ZFYVE16: variants seen among roughly 807,000 people sequenced by gnomAD.
The protein encoded by ZFYVE16 is zinc finger FYVE-type containing 16, also known as zinc finger FYVE domain-containing protein 16.
ZFYVE16 carries 89 observed loss-of-function variants against 138.1 expected under a neutral mutation model. The ratio of observed to expected loss-of-function variants is 0.64; its 90% CI spans 0.54 to 0.77. ZFYVE16 has a LOEUF of 0.77. Ranked by LOEUF, ZFYVE16 falls within the 30% of genes least tolerant of loss-of-function variation. ZFYVE16 has a pLI of 0.00. For synonymous variants in ZFYVE16, 596 were observed against 618.3 expected, an observed-to-expected ratio of 0.96 and a Z score of 0.53; for missense variants, 1,793 against 1,786.7, an observed-to-expected ratio of 1.00 and a Z score of -0.06.
intron 8 of ZFYVE16, 72 bp from the exon 9 acceptor site, chr5:80,449,519 T>C (rs546180639): frequency 1.3e-6 from 2 of 1,487,718 alleles, no homozygotes; most frequent in South Asian, 1.3e-5. Flanking sequence ...GATTTATAAA[T>C]TTGTTTTTTT....
rs1750201333 is a variant in ZFYVE16 at position 80,438,100 on chromosome 5, A to G, written c.1415A>G (p.Asp472Gly). Reference sequence around the variant, plus strand: ...AGAGCTGAGTCTTTGGATGGTGGTGACACCAGTTCTACAGTTGTAGAATCT... The same window carrying G: ...AGAGCTGAGTCTTTGGATGGTGGTGGCACCAGTTCTACAGTTGTAGAATCT... ...VIRAESLDGGDTSSTVVESQE... is the reference protein window; with the variant it reads ...VIRAESLDGGGTSSTVVESQE... Residue 472 changes from aspartate to glycine, a missense_variant, in exon 4 of 19, where the codon GAC (aspartate) becomes GGC (glycine). Physicochemically the swap from Asp to Gly is moderately conservative, Grantham distance 94 (BLOSUM62 -1). Coordinates refer to ENST00000505560, the MANE Select transcript of ZFYVE16 (RefSeq NM_001284236.3). The G allele has an allele frequency of 5.0e-6, 8 of 1,614,122 alleles. No homozygotes were observed. The highest frequency in any genetic ancestry group is 6.8e-6 in the Non-Finnish European group (8 of 1,179,974).
intron 14 of ZFYVE16, among the ~76,000 whole-genome samples, chr5:80,458,028 C>T (rs907353296): frequency 4.5e-5 from 5 of 112,134 alleles, no homozygotes; most frequent in East Asian, 2.5e-4. Context: ...AGCGAGACTA[C>T]GTCTAAAAAA....
chr5:80,441,894 T>C, intron 5 of ZFYVE16: 1 of 985,320 alleles, frequency 1.0e-6, no homozygotes, highest in Non-Finnish European at 1.2e-6. Flanking sequence ...TTCCTTATTT[T>C]TTGGATGAAG....
chr5:80,476,483 T>A (rs929588385), intron 18 of ZFYVE16, among the ~76,000 whole-genome samples: 1 of 152,214 alleles, frequency 6.6e-6, no homozygotes, highest in African/African-American at 2.4e-5. Context: ...TTAATTTGTA[T>A]TTCTCTTAAC....
chr5:80,433,792 G>A (rs1428955764), intron 2 of ZFYVE16, among the ~76,000 whole-genome samples: 1 of 151,772 alleles, frequency 6.6e-6, no homozygotes, highest in Non-Finnish European at 1.5e-5. Flanking sequence ...TTATGCGTTT[G>A]TAGTTTGATA....
intron 1 of ZFYVE16, chr5:80,409,859 A>G (rs1272464038): frequency 1.3e-5 from 2 of 152,188 alleles, no homozygotes; most frequent in African/African-American, 4.8e-5. Context: ...AGGTTGTTTA[A>G]AATTTTACAC....
chr5:80,473,020 A>C lies in ZFYVE16; in HGVS notation c.4187+97A>C. 13 of 1,102,736 alleles carry C rather than the reference A, an allele frequency of 1.2e-5. No individual in the cohort carries two copies. The South Asian group carries it at 2.8e-4, about 23-fold the overall frequency. 68.3% of individuals were successfully genotyped at this position (1,102,736 alleles called of 1,614,324 possible). On this transcript the variant is annotated intron_variant, in intron 16 of 18. Coordinates refer to ENST00000505560, the MANE Select transcript of ZFYVE16 (RefSeq NM_001284236.3). ...AATTAAATATTTTATGAACGAATATATACTTATACCATCAATTTAAATGCC... is the reference window on the plus strand; with the variant it reads ...AATTAAATATTTTATGAACGAATATCTACTTATACCATCAATTTAAATGCC...
intron 1 of ZFYVE16, among the ~76,000 whole-genome samples, chr5:80,419,763 A>G (rs754978621): frequency 6.6e-6 from 1 of 152,022 alleles, no homozygotes; most frequent in Non-Finnish European, 1.5e-5. Flanking sequence ...GGATTGCACA[A>G]GAATCTAGAG....
chr5:80,474,549 A>G, intron 17 of ZFYVE16, 114 bp from the exon 18 acceptor site: 2 of 1,083,110 alleles, frequency 1.8e-6, no homozygotes, highest in Non-Finnish European at 2.6e-6. Flanking sequence ...AATTCTCACA[A>G]CTAATGCTTT....
intron 11 of ZFYVE16, chr5:80,455,476 A>G (rs939275772): frequency 5.8e-5 from 26 of 450,290 alleles, no homozygotes; most frequent in East Asian, 3.7e-4. Flanking sequence ...GGAGGTTGCA[A>G]TGAGTCGAGA....
intron 8 of ZFYVE16, 30 bp downstream of exon 8, chr5:80,448,434 G>A (rs753369184): frequency 1.4e-6 from 2 of 1,435,596 alleles, no homozygotes; most frequent in African/African-American, 1.4e-5. Flanking sequence ...AATTTAAAAA[G>A]ATTTAAAAAT....
In ZFYVE16 at chr5:80,438,952, G is replaced by T; in HGVS notation, c.2267G>T (p.Cys756Phe). 1.9e-6 allele frequency: 3 copies of T among 1,613,710 alleles called. No homozygotes were observed. Among genetic ancestry groups the T allele is most frequent in the Non-Finnish European group, 2.5e-6 (3 of 1,179,776 alleles). Residue 756 changes from cysteine (C) to phenylalanine (F), a missense_variant, in exon 4 of 19, where the codon TGC (cysteine) becomes TTC (phenylalanine). Transcript: ENST00000505560. The part of the protein sequence containing the change: ...PDSEAPNCMN[C>F]QVKFTFTKRR... ...TCAGAAGCTCCAAACTGTATGAACT[G>T]CCAAGTCAAATTTACTTTTACCAAA...
rs982076281 is a variant in ZFYVE16 at position 80,465,219 on chromosome 5, G to A, written c.4024+5725G>A. Among the ~76,000 whole-genome samples the A allele has an allele frequency of 2.6e-5, 4 of 151,978 alleles. No homozygotes were observed. The South Asian group carries it at 6.2e-4, about 24-fold the overall frequency. ...TTAGTATTTCTTGTACTTGAAGTGT[G>A]CCAGCAACATATTTTCTCTGTTTTT... On this transcript the variant is annotated intron_variant, in intron 15 of 18. Transcript: ENST00000505560.
At chr5:80,475,257 A>T (rs574758502) in intron 18 of ZFYVE16, among the ~76,000 whole-genome samples, 3 of 152,340 alleles carry the variant, frequency 2.0e-5, no homozygotes, top group African/African-American at 7.2e-5. Flanking sequence ...TACTTATCTG[A>T]CTAAATTCTA....
At chr5:80,439,132 A>T (rs1750365912) in intron 4 of ZFYVE16, 125 bp downstream of exon 4, 1 of 1,024,828 alleles carries the variant, frequency 9.8e-7, no homozygotes, top group Non-Finnish European at 1.4e-6. Context: ...AGTGTTTTTC[A>T]TCTACCAGTC....
intron 18 of ZFYVE16, 92 bp downstream of exon 18, chr5:80,474,922 C>T (rs970191973): frequency 4.1e-5 from 56 of 1,378,178 alleles, no homozygotes; most frequent in East Asian, 2.6e-4. Flanking sequence ...TGAAAGGGAA[C>T]GAAAATTTGT....
At chr5:80,412,602 A>T (rs542765166) in intron 1 of ZFYVE16, among the ~76,000 whole-genome samples, 1 of 152,320 alleles carries the variant, frequency 6.6e-6, no homozygotes, top group Non-Finnish European at 1.5e-5. Context: ...ACCTGAAATT[A>T]CATAATGCTT....
Position 80,438,135 on chromosome 5 carries a change from C to G in ZFYVE16, c.1450C>G (p.Leu484Val). Residue 484 changes from leucine (L) to valine (V), a missense_variant, in exon 4 of 19, where the codon CTT becomes GTT. Physicochemically the swap from Leu to Val is conservative, Grantham distance 32. This residue lies in a region of ZFYVE16 where 1,295 missense variants were observed against 1,204.3 expected (regional missense o/e 1.08). Coordinates refer to ENST00000505560, the MANE Select transcript of ZFYVE16 (RefSeq NM_001284236.3). ...SSTVVESQEG[L>V]SGTHVPESSD... ...TACAGTTGTAGAATCTCAAGAGGGG[C>G]TTTCTGGCACTCATGTCCCAGAGTC... 1 of 1,613,948 alleles carries G rather than the reference C, an allele frequency of 6.2e-7. No individual in the cohort carries two copies. The highest frequency in any genetic ancestry group is 8.5e-7 in the Non-Finnish European group (1 of 1,179,934).
intron 1 of ZFYVE16, among the ~76,000 whole-genome samples, chr5:80,416,751 C>G (rs549223079): frequency 1.3e-5 from 2 of 151,852 alleles, no homozygotes; most frequent in Non-Finnish European, 2.9e-5. Flanking sequence ...TATTTCCTGC[C>G]CTAGTTTTAG....
Sources: gnomAD v4.1 joint callset for allele counts (sites outside exome capture counted in the v4.1 genomes callset) on GRCh38, gnomAD v4.1.1 for gene constraint, gnomAD v4.1.1 regional missense constraint, MANE v1.5 for transcripts, NCBI Gene and HGNC (gene_info 2026-07-23, HGNC 2026-07-21) for gene names.